The following C7orf78 variants were observed in gnomAD, a reference collection of about 807,000 sequenced individuals.
C7orf78 encodes putative uncharacterized protein C7orf78.
chr7:12,491,433 A>C, the C7orf78 span: 2 of 152,120 alleles, frequency 1.3e-5, no homozygotes, highest in Non-Finnish European at 2.9e-5. Flanking sequence ...TCAAGATTTC[A>C]GGCTTCACTC....
At chr7:12,534,946 C>G in the C7orf78 span, among the ~76,000 whole-genome samples, 107,052 of 148,278 alleles carry the variant, frequency 0.72, 39,329 homozygotes, top group East Asian at 0.92. Flanking sequence ...GACCCTGTCT[C>G]AAAGAAAGGG....
chr7:12,503,233 T>TATTAAATAAATA, the C7orf78 span, among the ~76,000 whole-genome samples: 2 of 135,610 alleles, frequency 1.5e-5, no homozygotes, highest in African/African-American at 5.4e-5. Flanking sequence ...TAAAGTATAA[T>TATTAAATAAATA]AATAAACAAA....
At chr7:12,538,445 C>T in the C7orf78 span, 1 of 152,052 alleles carries the variant, frequency 6.6e-6, no homozygotes, top group East Asian at 1.9e-4. Context: ...GAAACAGGGG[C>T]AAAAAGCTCA....
the C7orf78 span, chr7:12,496,347 C>T: frequency 6.6e-6 from 1 of 152,160 alleles, no homozygotes; most frequent in Non-Finnish European, 1.5e-5. Context: ...CAGTTGGCCA[C>T]AAAATAATGT....
the C7orf78 span, among the ~76,000 whole-genome samples, chr7:12,493,577 G>A: frequency 6.6e-5 from 10 of 152,272 alleles, no homozygotes; most frequent in South Asian, 1.9e-3. Flanking sequence ...TTGGTCTGGG[G>A]CCACACTTTG....
chr7:12,498,215 C>T, the C7orf78 span, among the ~76,000 whole-genome samples: 6 of 151,966 alleles, frequency 3.9e-5, no homozygotes, highest in Admixed American at 6.6e-5. Flanking sequence ...TCACCAGCAA[C>T]GGAACAAAGC....
At chr7:12,484,781 A>G in the C7orf78 span, among the ~76,000 whole-genome samples, 1 of 151,892 alleles carries the variant, frequency 6.6e-6, no homozygotes, top group Non-Finnish European at 1.5e-5. Context: ...CTTTTTTCTG[A>G]TTCTTTGGAC....
the C7orf78 span, among the ~76,000 whole-genome samples, chr7:12,498,667 A>T: frequency 2.0e-5 from 3 of 152,088 alleles, no homozygotes. Flanking sequence ...TCTGCAGGAT[A>T]TTATCCAGGA....
chr7:12,508,734 C>G, the C7orf78 span, among the ~76,000 whole-genome samples: 2 of 152,172 alleles, frequency 1.3e-5, no homozygotes, highest in South Asian at 4.1e-4. Context: ...TATTTACAGC[C>G]ACTCCCCATT....
chr7:12,486,858 T>C, the C7orf78 span: 1 of 151,990 alleles, frequency 6.6e-6, no homozygotes, highest in South Asian at 2.1e-4. Flanking sequence ...AAACTACTTT[T>C]CTAATATTAC....
the C7orf78 span, among the ~76,000 whole-genome samples, chr7:12,526,787 C>A: frequency 6.6e-6 from 1 of 151,494 alleles, no homozygotes; most frequent in Non-Finnish European, 1.5e-5. Flanking sequence ...TGTCAACTTT[C>A]CTAGTATATG....
At chr7:12,508,622 AC>A in the C7orf78 span, among the ~76,000 whole-genome samples, 1 of 152,220 alleles carries the variant, frequency 6.6e-6, no homozygotes, top group Non-Finnish European at 1.5e-5. Context: ...ACCAATGTTA[AC>A]ACAAAATTTA....
the C7orf78 span, among the ~76,000 whole-genome samples, chr7:12,533,819 A>C: frequency 6.6e-6 from 1 of 152,108 alleles, no homozygotes; most frequent in Admixed American, 6.6e-5. Context: ...CCTAGCCCCC[A>C]GCCACCAAAA....
At chr7:12,503,466 G>C in the C7orf78 span, among the ~76,000 whole-genome samples, 4 of 151,972 alleles carry the variant, frequency 2.6e-5, no homozygotes, top group Non-Finnish European at 4.4e-5. Flanking sequence ...AACAATATGG[G>C]AAGGGGAAAA....
the C7orf78 span, among the ~76,000 whole-genome samples, chr7:12,528,282 A>G: frequency 6.8e-6 from 1 of 146,348 alleles, no homozygotes; most frequent in South Asian, 2.3e-4. Context: ...GAACATATCT[A>G]CTTTCCTAGT....
chr7:12,498,501 C>G, the C7orf78 span, among the ~76,000 whole-genome samples: 13,857 of 150,576 alleles, frequency 0.092, 789 homozygotes, highest in Non-Finnish European at 0.13. Context: ...AAGATGAAAT[C>G]AATGAAATGA....
chr7:12,514,068 C>T, the C7orf78 span, among the ~76,000 whole-genome samples: 1 of 152,088 alleles, frequency 6.6e-6, no homozygotes, highest in African/African-American at 2.4e-5. Flanking sequence ...CTGTAAATGC[C>T]TGTTAGGTTC....
the C7orf78 span, chr7:12,483,962 T>G: frequency 6.6e-6 from 1 of 151,916 alleles, no homozygotes; most frequent in African/African-American, 2.4e-5. Flanking sequence ...AACAAATTGC[T>G]GTATGTTTCT....
At chr7:12,489,081 T>C in the C7orf78 span, among the ~76,000 whole-genome samples, 1 of 152,062 alleles carries the variant, frequency 6.6e-6, no homozygotes, top group Non-Finnish European at 1.5e-5. Flanking sequence ...AGAATTCTTA[T>C]TGTTGCACTA....
Sources: allele counts gnomAD v4.1 joint callset (sites outside exome capture counted in the v4.1 genomes callset), GRCh38; gene constraint gnomAD v4.1.1; transcripts MANE v1.5; gene names NCBI Gene and HGNC (gene_info 2026-07-23, HGNC 2026-07-21).